PTPRT: variants seen among roughly 807,000 people sequenced by gnomAD.
PTPRT encodes receptor-type tyrosine-protein phosphatase T.
In PTPRT, 56 loss-of-function variants were observed where a neutral mutation model predicts 176.8. The observed-to-expected ratio is 0.32, with a 90% CI of 0.26 to 0.40. The LOEUF (loss-of-function observed/expected upper bound fraction) is 0.40. Among genes scored for constraint, PTPRT ranks in the 10% least tolerant of loss-of-function variants. PTPRT has a pLI of 1.00. For missense variants in PTPRT, 1,540 were observed against 1,908.2 expected (o/e 0.81, Z 3.60); for synonymous variants, 783 against 739.0 (o/e 1.06, Z -0.96).
At chr20:42,768,604 C>G (rs1263923157) in intron 5 of PTPRT, among the ~76,000 whole-genome samples, 2 of 152,198 alleles carry the variant, frequency 1.3e-5, no homozygotes, top group Non-Finnish European at 2.9e-5. Flanking sequence ...GCTGCGGGCT[C>G]TGTGTGTGAC....
intron 1 of PTPRT, among the ~76,000 whole-genome samples, chr20:42,897,016 A>G (rs1329135083): frequency 6.6e-6 from 1 of 152,160 alleles, no homozygotes; most frequent in Admixed American, 6.5e-5. Context: ...GTGCACAAAT[A>G]TGGTAAGAAG....
chr20:42,837,149 C>G (rs947954646), intron 2 of PTPRT, among the ~76,000 whole-genome samples: 1 of 152,232 alleles, frequency 6.6e-6, no homozygotes, highest in Non-Finnish European at 1.5e-5. Context: ...CACAGTCATA[C>G]AGGAGCTGGG....
At chr20:42,728,765 C>T (rs2076417141) in intron 6 of PTPRT, among the ~76,000 whole-genome samples, 1 of 152,192 alleles carries the variant, frequency 6.6e-6, no homozygotes, top group South Asian at 2.1e-4. Context: ...ACGTTGCTCA[C>T]CCTTCATTGC....
At chr20:42,603,700 C>T (rs2073823207) in intron 7 of PTPRT, among the ~76,000 whole-genome samples, 1 of 152,208 alleles carries the variant, frequency 6.6e-6, no homozygotes, top group Non-Finnish European at 1.5e-5. Context: ...GAGTGGAATA[C>T]ATTTAGAAGT....
At chr20:42,740,734 T>C (rs769129274) in intron 6 of PTPRT, among the ~76,000 whole-genome samples, 12 of 152,148 alleles carry the variant, frequency 7.9e-5, no homozygotes, top group Admixed American at 7.9e-4. Flanking sequence ...AAACAGGTCC[T>C]GAGGCAACTG....
intron 9 of PTPRT, among the ~76,000 whole-genome samples, chr20:42,396,696 G>T (rs2145688822): frequency 6.6e-6 from 1 of 152,238 alleles, no homozygotes; most frequent in East Asian, 1.9e-4. Context: ...TGAGTAGCTG[G>T]GATTACAGGC....
intron 4 of PTPRT, among the ~76,000 whole-genome samples, 187 bp downstream of exon 4, chr20:42,780,031 C>G (rs1046129547): frequency 1.3e-5 from 2 of 152,124 alleles, no homozygotes; most frequent in African/African-American, 2.4e-5. Flanking sequence ...GCCTGTTGAA[C>G]AGGCCGGCAA....
the PTPRT span, among the ~76,000 whole-genome samples, chr20:42,041,769 C>A: frequency 6.6e-6 from 1 of 152,304 alleles, no homozygotes; most frequent in East Asian, 1.9e-4. Flanking sequence ...GTGATTAGAA[C>A]AAGACTTGCA....
intron 6 of PTPRT, among the ~76,000 whole-genome samples, chr20:42,752,026 C>T (rs2076777298): frequency 6.6e-6 from 1 of 152,162 alleles, no homozygotes; most frequent in South Asian, 2.1e-4. Context: ...CCAGTCCACA[C>T]TTTCATATTT....
At chr20:42,139,308 C>T (rs1453760355) in intron 18 of PTPRT, among the ~76,000 whole-genome samples, 6 of 152,132 alleles carry the variant, frequency 3.9e-5, no homozygotes. Context: ...AAGGTGGTAT[C>T]GTCAAGGTGC....
chr20:43,134,355 G>A (rs6130299), intron 1 of PTPRT, among the ~76,000 whole-genome samples: 54,196 of 152,028 alleles, frequency 0.36, 10,477 homozygotes, highest in East Asian at 0.79. Context: ...GTGCTGCTAG[G>A]TCAGTTTAGC....
chr20:42,206,423 G>C (rs898733989), intron 15 of PTPRT, among the ~76,000 whole-genome samples: 1 of 152,186 alleles, frequency 6.6e-6, no homozygotes, highest in Non-Finnish European at 1.5e-5. Flanking sequence ...CAGTGGGTGC[G>C]CGCACCATGC....
intron 6 of PTPRT, among the ~76,000 whole-genome samples, chr20:42,701,028 C>A (rs537474890): frequency 2.0e-5 from 3 of 152,140 alleles, no homozygotes; most frequent in Non-Finnish European, 2.9e-5. Flanking sequence ...AGGCTACATA[C>A]AGCAGACATA....
intron 7 of PTPRT, among the ~76,000 whole-genome samples, chr20:42,600,926 C>T (rs569755969): frequency 1.3e-5 from 2 of 152,130 alleles, no homozygotes; most frequent in African/African-American, 4.8e-5. Context: ...TGTGAGTACA[C>T]CTCCTGGCAA....
At chr20:42,098,162 TG>T (rs1252631111) in intron 27 of PTPRT, among the ~76,000 whole-genome samples, 1 of 151,964 alleles carries the variant, frequency 6.6e-6, no homozygotes, top group East Asian at 1.9e-4. Flanking sequence ...GCTTGTGAGA[TG>T]GAGCAACAGA....
intron 15 of PTPRT, among the ~76,000 whole-genome samples, chr20:42,210,425 A>T (rs556313211): frequency 6.6e-6 from 1 of 152,040 alleles, no homozygotes. Flanking sequence ...AAATCTCCTT[A>T]AGCTGATAAG....
chr20:42,995,620 G>A (rs1454019014), intron 1 of PTPRT, among the ~76,000 whole-genome samples: 3 of 152,086 alleles, frequency 2.0e-5, no homozygotes, highest in Non-Finnish European at 2.9e-5. Flanking sequence ...AGGCCTTTCC[G>A]AGTCTTCCCA....
intron 1 of PTPRT, among the ~76,000 whole-genome samples, chr20:43,117,219 T>C (rs996974297): frequency 1.3e-5 from 2 of 152,180 alleles, no homozygotes; most frequent in African/African-American, 2.4e-5. Context: ...AAAAACATGC[T>C]GCATCTCTAC....
At chr20:42,488,043 A>G (rs1360587135) in intron 7 of PTPRT, among the ~76,000 whole-genome samples, 1 of 152,134 alleles carries the variant, frequency 6.6e-6, no homozygotes, top group African/African-American at 2.4e-5. Flanking sequence ...TCAGCACTAC[A>G]CTTCTGACAT....
Sources: gnomAD v4.1 joint callset for allele counts (sites outside exome capture counted in the v4.1 genomes callset) on GRCh38, gnomAD v4.1.1 for gene constraint, MANE v1.5 for transcripts, NCBI Gene and HGNC (gene_info 2026-07-23, HGNC 2026-07-21) for gene names.